Variants in IL1RAPL2 observed in about 807,000 individuals in gnomAD.
IL1RAPL2 encodes the protein X-linked interleukin-1 receptor accessory protein-like 2.
IL1RAPL2 carries 3 observed loss-of-function variants against 44.1 expected under a neutral mutation model. That is an observed-to-expected ratio of 0.07 (90% CI 0.03 to 0.18). The LOEUF is 0.18. Among genes scored for constraint, IL1RAPL2 ranks in the 10% least tolerant of loss-of-function variants. IL1RAPL2 has a pLI of 1.00. For missense variants in IL1RAPL2, 391 were observed against 496.4 expected (o/e 0.79, Z 2.02); for synonymous variants, 181 against 178.8 (o/e 1.01, Z -0.10).
At chrX:105,089,069 A>G (rs2032511113) in intron 2 of IL1RAPL2, among the ~76,000 whole-genome samples, 2 of 111,550 alleles carry the variant, frequency 1.8e-5, no homozygotes, top group Admixed American at 1.9e-4. Flanking sequence ...CATTCACTCT[A>G]CAGTATGAAA....
At chrX:104,738,962 A>G (rs769841349) in intron 2 of IL1RAPL2, among the ~76,000 whole-genome samples, 3 of 111,686 alleles carry the variant, frequency 2.7e-5, no homozygotes, top group Non-Finnish European at 5.6e-5. Context: ...AGAAAGAGTG[A>G]CAGTTCCATT....
chrX:104,589,314 C>T (rs904129665), intron 1 of IL1RAPL2, among the ~76,000 whole-genome samples: 25 of 112,155 alleles, frequency 2.2e-4, no homozygotes, highest in African/African-American at 3.9e-4. Context: ...GTCTGATGTT[C>T]GAGGGCAGGA....
chrX:105,102,032 A>G (rs1464532051), intron 2 of IL1RAPL2, among the ~76,000 whole-genome samples: 1 of 111,896 alleles, frequency 8.9e-6, no homozygotes, highest in African/African-American at 3.2e-5. Flanking sequence ...AAAATGCGCA[A>G]TGTGTGGAGT....
intron 7 of IL1RAPL2, among the ~76,000 whole-genome samples, chrX:105,722,236 GT>G (rs996914088): frequency 9.0e-6 from 1 of 111,568 alleles, no homozygotes; most frequent in African/African-American, 3.3e-5. Flanking sequence ...CAAAGGAAAG[GT>G]ACAGTAAAAT....
chrX:105,413,898 T>C (rs1020284025), intron 5 of IL1RAPL2, among the ~76,000 whole-genome samples: 2 of 112,289 alleles, frequency 1.8e-5, no homozygotes, highest in African/African-American at 6.5e-5. Context: ...TTTTGAAGAC[T>C]TAGTATGATA....
intron 6 of IL1RAPL2, among the ~76,000 whole-genome samples, chrX:105,539,448 C>T (rs1231978171): frequency 4.5e-5 from 5 of 111,364 alleles, no homozygotes; most frequent in African/African-American, 6.5e-5. Context: ...CAATAAATGG[C>T]GCTGGGATAG....
In IL1RAPL2 at chrX:105,388,356, A is replaced by ATTTTTTTTTTTTTTTTTTTTTTTTTT. The variant is rs772573698; in HGVS notation, c.698-95953_698-95928dup. Among the ~76,000 whole-genome samples, 5 of 61,264 alleles carry ATTTTTTTTTTTTTTTTTTTTTTTTTT rather than the reference A, an allele frequency of 8.2e-5. 1 individual carries two copies. The highest frequency in any genetic ancestry group is 5.2e-4 in the African/African-American group (5 of 9,706). The allele number at this position is 61,264 out of a possible 115,157, so 53.2% of individuals were successfully genotyped here. A position where few individuals can be genotyped will look rare whatever the true frequency, so the allele number is the denominator to read the frequency against. ...CAAACCAAATATTTTACCAAAGCAG[A>ATTTTTTTTTTTTTTTTTTTTTTTTTT]TTTTTTTTTTTTTTTTTTTTTTTTT... On this transcript the variant is annotated intron_variant, in intron 5 of 10. Transcript: ENST00000372582.
intron 2 of IL1RAPL2, among the ~76,000 whole-genome samples, chrX:105,034,669 G>T (rs1258484246): frequency 5.3e-5 from 6 of 112,389 alleles, no homozygotes; most frequent in Non-Finnish European, 1.1e-4. Flanking sequence ...GTGCCTCCCA[G>T]TTAGGCTACT....
chrX:105,686,497 G>T (rs1485353123), intron 6 of IL1RAPL2, among the ~76,000 whole-genome samples: 2 of 109,910 alleles, frequency 1.8e-5, no homozygotes, highest in Non-Finnish European at 3.8e-5. Context: ...ATGGTAAAGG[G>T]ATCAATTCAA....
intron 7 of IL1RAPL2, among the ~76,000 whole-genome samples, chrX:105,736,804 C>CAGTT (rs1480467095): frequency 8.9e-6 from 1 of 111,908 alleles, no homozygotes; most frequent in Non-Finnish European, 1.9e-5. Flanking sequence ...TTGTGGAAAG[C>CAGTT]AGTTTGGCAA....
chrX:104,831,204 C>T (rs1466022858), intron 2 of IL1RAPL2, among the ~76,000 whole-genome samples: 1 of 111,106 alleles, frequency 9.0e-6, no homozygotes, highest in East Asian at 2.8e-4. Flanking sequence ...TTCATTATGC[C>T]ATTTGGTTTG....
rs782081203 is a variant in IL1RAPL2, at chrX:105,219,114, G to T, written c.357-14704G>T. 3 of 1,209,023 alleles carry T rather than the reference G, an allele frequency of 2.5e-6. No homozygotes were observed. In the African/African-American group the frequency reaches 5.3e-5, roughly 21 times the overall value. The stretch of plus-strand genomic sequence containing the variant: ...GCTGATGAGGTTCGGAGTATCTCCT[G>T]TCTCTTGGGTGCTCCTGATGGTCTA... On this transcript the variant is annotated intron_variant, in intron 3 of 10. Coordinates refer to ENST00000372582, the MANE Select transcript of IL1RAPL2 (RefSeq NM_017416.2).
At chrX:105,373,361 G>T (rs1375737658) in intron 5 of IL1RAPL2, among the ~76,000 whole-genome samples, 1 of 111,526 alleles carries the variant, frequency 9.0e-6, no homozygotes, top group Non-Finnish European at 1.9e-5. Context: ...TTTTAATGGG[G>T]TTGCTTGTTT....
chrX:104,834,852 G>T (rs1395841854), intron 2 of IL1RAPL2, among the ~76,000 whole-genome samples: 2 of 111,553 alleles, frequency 1.8e-5, no homozygotes, highest in African/African-American at 6.5e-5. Context: ...ACAAGAAAAA[G>T]CAAGCTGCTT....
rs1052476720 is a variant in IL1RAPL2, at chrX:105,178,335, T to C, written c.83-17140T>C. Among the ~76,000 whole-genome samples, 6 of 112,193 alleles carry C rather than the reference T, an allele frequency of 5.3e-5. No individual in the cohort carries two copies. The East Asian group carries it at 8.4e-4, about 16-fold the overall frequency. ...CTTTTTATGACCACAGAGTATTTCA[T>C]TGTGTATAGATACCAAATTTTCTTT... On this transcript the variant is annotated intron_variant, in intron 2 of 10. Coordinates refer to ENST00000372582, the MANE Select transcript of IL1RAPL2 (RefSeq NM_017416.2).
At chrX:104,674,293 G>A (rs1930690421) in intron 2 of IL1RAPL2, among the ~76,000 whole-genome samples, 1 of 111,648 alleles carries the variant, frequency 9.0e-6, no homozygotes, top group African/African-American at 3.3e-5. Flanking sequence ...AATTTCTTGA[G>A]AGTTTTTAGC....
At position 105,395,011 on chromosome X, in the gene IL1RAPL2, A is replaced by G. The variant is rs376166287; in HGVS notation, c.698-89302A>G. ...ATATTTTAGTAACTAATTGCCTTCT[A>G]ATTATTTTATATGTGTTGGTTTTAC... On this transcript the variant is annotated intron_variant, in intron 5 of 10. Transcript: ENST00000372582. 3.6e-5 allele frequency among the ~76,000 whole-genome samples: 4 copies of G among 111,354 alleles called. No individual in the cohort carries two copies. The East Asian group carries it at 1.1e-3, about 31-fold the overall frequency.
intron 6 of IL1RAPL2, among the ~76,000 whole-genome samples, chrX:105,690,366 TTC>T (rs1707930489): frequency 2.7e-5 from 3 of 111,947 alleles, no homozygotes; most frequent in African/African-American, 6.5e-5. Flanking sequence ...AGAATAATTA[TTC>T]TGTTTGATTA....
At chrX:104,896,096 G>T (rs926561030) in intron 2 of IL1RAPL2, among the ~76,000 whole-genome samples, 1 of 111,560 alleles carries the variant, frequency 9.0e-6, no homozygotes, top group African/African-American at 3.3e-5. Flanking sequence ...ACAGGAAAAG[G>T]CTTCTGAAAT....
Sources: allele counts gnomAD v4.1 joint callset (sites outside exome capture counted in the v4.1 genomes callset), GRCh38; gene constraint gnomAD v4.1.1; transcripts MANE v1.5; gene names NCBI Gene and HGNC (gene_info 2026-07-23, HGNC 2026-07-21).